Variants in SKAP2 observed in about 807,000 individuals in gnomAD.
SKAP2 encodes src kinase associated phosphoprotein 2, also known as src kinase-associated phosphoprotein 2.
SKAP2 carries 28 observed loss-of-function variants against 54.9 expected under a neutral mutation model. The observed-to-expected ratio is 0.51, with a 90% confidence interval of 0.38 to 0.70. The LOEUF is 0.70. Ranked by LOEUF, SKAP2 falls within the 30% of genes least tolerant of loss-of-function variation. SKAP2 has a pLI of 0.00. For synonymous variants in SKAP2, 137 were observed against 134.3 expected, an observed-to-expected ratio of 1.02 and a Z score of -0.14; for missense variants, 356 against 424.1, an observed-to-expected ratio of 0.84 and a Z score of 1.41.
At chr7:26,754,304 C>A (rs1287966136) in intron 4 of SKAP2, among the ~76,000 whole-genome samples, 1 of 150,232 alleles carries the variant, frequency 6.7e-6, no homozygotes, top group African/African-American at 2.5e-5. Context: ...GCAGACGTTG[C>A]AGCAAGCCAA....
chr7:26,689,730 G>A (rs1374340278), intron 10 of SKAP2, among the ~76,000 whole-genome samples: 1 of 152,198 alleles, frequency 6.6e-6, no homozygotes, highest in Non-Finnish European at 1.5e-5. Flanking sequence ...GCAGTCTTAA[G>A]TTTATCTGAT....
intron 1 of SKAP2, among the ~76,000 whole-genome samples, chr7:26,864,057 A>ACT (rs1056256497): frequency 2.2e-5 from 3 of 134,948 alleles, no homozygotes; most frequent in African/African-American, 9.2e-5. Context: ...CCCTTCTGTC[A>ACT]CACACACACA....
intron 6 of SKAP2, among the ~76,000 whole-genome samples, chr7:26,736,446 A>C (rs1334655841): frequency 6.6e-6 from 1 of 152,230 alleles, no homozygotes. Flanking sequence ...AAGGGGGAGA[A>C]ACCCTCAGTT....
chr7:26,815,646 G>A (rs545017778), intron 4 of SKAP2, among the ~76,000 whole-genome samples: 7 of 152,130 alleles, frequency 4.6e-5, no homozygotes, highest in Admixed American at 3.9e-4. Flanking sequence ...TATTGCCCAA[G>A]GGAGGACAAA....
chr7:26,828,224 G>C (rs1379251127), intron 4 of SKAP2, among the ~76,000 whole-genome samples: 1 of 152,174 alleles, frequency 6.6e-6, no homozygotes, highest in African/African-American at 2.4e-5. Flanking sequence ...GAAGAGTCAT[G>C]TGATTATAGG....
intron 4 of SKAP2, among the ~76,000 whole-genome samples, chr7:26,786,780 T>C (rs1461420067): frequency 6.6e-6 from 1 of 152,222 alleles, no homozygotes; most frequent in East Asian, 1.9e-4. Flanking sequence ...AGTTCTAGAA[T>C]ATCTTTTTTT....
At chr7:26,747,006 C>T (rs1486485886) in intron 4 of SKAP2, among the ~76,000 whole-genome samples, 1 of 151,988 alleles carries the variant, frequency 6.6e-6, no homozygotes. Flanking sequence ...AATAATTCTT[C>T]CCTCCATGTG....
the SKAP2 span, among the ~76,000 whole-genome samples, chr7:26,658,673 AG>A: frequency 5.6e-4 from 85 of 152,298 alleles, no homozygotes; most frequent in African/African-American, 1.9e-3. Flanking sequence ...TCACCAACAC[AG>A]GCATCACAAT....
chr7:26,735,311 T>C (rs1199560034), intron 6 of SKAP2, among the ~76,000 whole-genome samples: 5 of 152,066 alleles, frequency 3.3e-5, no homozygotes, highest in African/African-American at 4.8e-5. Context: ...TGAATAAGAC[T>C]CACGACAATC....
intron 9 of SKAP2, among the ~76,000 whole-genome samples, chr7:26,723,333 A>G (rs528806378): frequency 2.9e-4 from 44 of 152,258 alleles, no homozygotes; most frequent in Admixed American, 6.5e-4. Flanking sequence ...ACATTGGGGA[A>G]GAAGGGAACT....
intron 4 of SKAP2, among the ~76,000 whole-genome samples, chr7:26,796,623 T>C (rs747969645): frequency 1.5e-3 from 222 of 152,368 alleles, no homozygotes; most frequent in Middle Eastern, 3.4e-3. Flanking sequence ...TTCGGACAGA[T>C]AATCGATTGC....
chr7:26,860,706 C>A (rs148800252), intron 1 of SKAP2, among the ~76,000 whole-genome samples: 1 of 151,710 alleles, frequency 6.6e-6, no homozygotes, highest in African/African-American at 2.4e-5. Flanking sequence ...GAAATTAAAC[C>A]GTAATATACT....
chr7:26,661,134 A>T, the SKAP2 span, among the ~76,000 whole-genome samples: 1 of 152,078 alleles, frequency 6.6e-6, no homozygotes, highest in Admixed American at 6.6e-5. Flanking sequence ...AGATAATTTA[A>T]ATTATTTAAG....
At chr7:26,805,307 T>C (rs193210077) in intron 4 of SKAP2, among the ~76,000 whole-genome samples, 26 of 152,362 alleles carry the variant, frequency 1.7e-4, no homozygotes, top group African/African-American at 6.0e-4. Flanking sequence ...ATTATTTCTG[T>C]TACCAGTGAT....
chr7:26,655,701 A>G, the SKAP2 span, among the ~76,000 whole-genome samples: 2 of 152,234 alleles, frequency 1.3e-5, no homozygotes, highest in Non-Finnish European at 2.9e-5. Flanking sequence ...TAATGCTGAG[A>G]AAGTGTCAGA....
At chr7:26,657,404 T>G in the SKAP2 span, among the ~76,000 whole-genome samples, 1 of 152,190 alleles carries the variant, frequency 6.6e-6, no homozygotes, top group Non-Finnish European at 1.5e-5. Context: ...ATTCATATCC[T>G]GTCACTGTTC....
intron 4 of SKAP2, among the ~76,000 whole-genome samples, chr7:26,818,770 C>CAGACATTTCCCAAAAGA (rs1473266014): frequency 6.6e-6 from 1 of 152,128 alleles, no homozygotes; most frequent in Non-Finnish European, 1.5e-5. Flanking sequence ...AGGATATGAA[C>CAGACATTTCCCAAAAGA]AGACATTTCC....
At chr7:26,721,901 A>T (rs146342956) in intron 9 of SKAP2, among the ~76,000 whole-genome samples, 9 of 152,242 alleles carry the variant, frequency 5.9e-5, no homozygotes, top group African/African-American at 2.2e-4. Flanking sequence ...AGACAAAGAC[A>T]CTCCTCTGTA....
At chr7:26,844,213 G>A in intron 3 of SKAP2, 76 bp from the exon 4 acceptor site, 3 of 838,358 alleles carry the variant, frequency 3.6e-6, no homozygotes, top group Non-Finnish European at 5.9e-6. Context: ...TAATGTTAAT[G>A]TTACTTTGTT....
Sources: allele counts gnomAD v4.1 joint callset (sites outside exome capture counted in the v4.1 genomes callset), GRCh38; gene constraint gnomAD v4.1.1; transcripts MANE v1.5; gene names NCBI Gene and HGNC (gene_info 2026-07-23, HGNC 2026-07-21).